EEFSEC: variants seen among roughly 807,000 people sequenced by gnomAD.
The protein encoded by EEFSEC is selenocysteine-specific elongation factor.
A neutral mutation model predicts 42.1 loss-of-function variants in EEFSEC; 43 were observed. The ratio of observed to expected loss-of-function variants is 1.02; its 90% CI spans 0.80 to 1.32. The LOEUF is 1.32. Among genes scored for constraint, EEFSEC ranks in the 40% most tolerant of loss-of-function variants. The pLI, the probability that EEFSEC is intolerant of heterozygous loss-of-function variation, is 0.00. For missense variants in EEFSEC, 745 were observed against 803.6 expected (o/e 0.93, Z 0.88); for synonymous variants, 354 against 339.1 (o/e 1.04, Z -0.48).
chr3:128,272,522 C>T (rs527615048), intron 4 of EEFSEC, among the ~76,000 whole-genome samples: 17 of 152,304 alleles, frequency 1.1e-4, no homozygotes, highest in Admixed American at 2.0e-4. Flanking sequence ...AGAAGCAGAG[C>T]CTGCACCTGA....
chr3:128,252,337 C>G (rs1419429338), intron 2 of EEFSEC, among the ~76,000 whole-genome samples: 1 of 152,148 alleles, frequency 6.6e-6, no homozygotes, highest in Non-Finnish European at 1.5e-5. Context: ...GCGACTCACT[C>G]CATCTCTCTG....
At chr3:128,338,425 CAG>C (rs1185701842) in intron 4 of EEFSEC, among the ~76,000 whole-genome samples, 1 of 152,100 alleles carries the variant, frequency 6.6e-6, no homozygotes, top group Non-Finnish European at 1.5e-5. Flanking sequence ...TGTCGGCACA[CAG>C]AGGCTGGGGC....
In EEFSEC at chr3:128,153,904, T is replaced by A; in HGVS notation, c.316+81T>A. ...CCCCGTGTCCGAATTCGCTCGAGCC[T>A]TTGCCGGGACGGGAAATCGCCCCAC... On this transcript the variant is annotated intron_variant, in intron 1 of 6. Coordinates refer to ENST00000254730, the MANE Select transcript of EEFSEC (RefSeq NM_021937.5). 4 of 1,418,290 alleles carry A rather than the reference T, an allele frequency of 2.8e-6. No individual in the cohort carries two copies. The South Asian group carries it at 4.5e-5, about 16-fold the overall frequency. The allele number at this position is 1,418,290 out of a possible 1,614,324, so 87.9% of individuals were successfully genotyped here.
At chr3:128,364,631 C>T (rs138537647) in intron 6 of EEFSEC, among the ~76,000 whole-genome samples, 179 of 152,322 alleles carry the variant, frequency 1.2e-3, no homozygotes, top group African/African-American at 4.2e-3. Context: ...CTCAGACTGC[C>T]CCTCCAGGGC....
chr3:128,176,832 G>A (rs1020958794), intron 1 of EEFSEC, among the ~76,000 whole-genome samples: 3 of 151,944 alleles, frequency 2.0e-5, no homozygotes, highest in Admixed American at 6.6e-5. Context: ...TACATGATAA[G>A]CTTTTAATAA....
intron 1 of EEFSEC, among the ~76,000 whole-genome samples, chr3:128,194,211 G>T (rs1435270572): frequency 6.6e-6 from 1 of 152,172 alleles, no homozygotes; most frequent in Non-Finnish European, 1.5e-5. Context: ...AGAAAATAAG[G>T]CTGGGAGGTG....
chr3:128,258,200 C>T (rs1203540156), intron 2 of EEFSEC, among the ~76,000 whole-genome samples: 1 of 152,032 alleles, frequency 6.6e-6, no homozygotes. Flanking sequence ...TTTTGTCATC[C>T]CCTCTTTGTG....
intron 6 of EEFSEC, among the ~76,000 whole-genome samples, chr3:128,369,261 C>T (rs2067625931): frequency 6.6e-6 from 1 of 152,220 alleles, no homozygotes; most frequent in African/African-American, 2.4e-5. Context: ...AGGGACAGGA[C>T]ACGATGAGCC....
At chr3:128,261,093 T>C (rs541436379) in intron 2 of EEFSEC, among the ~76,000 whole-genome samples, 3 of 152,164 alleles carry the variant, frequency 2.0e-5, no homozygotes, top group African/African-American at 4.8e-5. Context: ...AAATTCTGGG[T>C]CGTACCATTG....
chr3:128,381,422 T>C (rs935585936), intron 6 of EEFSEC, among the ~76,000 whole-genome samples: 2 of 152,226 alleles, frequency 1.3e-5, no homozygotes, highest in African/African-American at 4.8e-5. Context: ...ATTTGGAAAC[T>C]GGCTTTGGGG....
chr3:128,192,234 G>A (rs17401543), intron 1 of EEFSEC, among the ~76,000 whole-genome samples: 11,912 of 152,212 alleles, frequency 0.078, 582 homozygotes, highest in Non-Finnish European at 0.12. Context: ...CTATCCATCT[G>A]TAAAACAGGG....
chr3:128,249,502 G>A (rs1217380963), intron 2 of EEFSEC, among the ~76,000 whole-genome samples: 3 of 152,042 alleles, frequency 2.0e-5, no homozygotes, highest in Admixed American at 6.6e-5. Context: ...TACATTCACA[G>A]TGCTGTGTAC....
At position 128,262,128 on chromosome 3, in the gene EEFSEC, G is replaced by A; in HGVS notation, c.525G>A (p.Lys175=). 1 of 1,614,008 alleles carries A rather than the reference G, an allele frequency of 6.2e-7. No individual in the cohort carries two copies. Among genetic ancestry groups the A allele is most frequent in the African/African-American group, 1.3e-5 (1 of 74,990 alleles). The change falls in exon 3 of 7, where the codon AAG becomes AAA. Residue 175 remains lysine, a splice_region_variant and synonymous_variant. Coordinates refer to ENST00000254730, the MANE Select transcript of EEFSEC (RefSeq NM_021937.5). ...KKMQKTLENT[K]FRGAPIIPVA... The stretch of plus-strand genomic sequence containing the variant: ...TGATGGGACTTATTTTCCATTTCAG[G>A]TTCCGAGGTGCACCGATTATACCCG...
At chr3:128,364,374 GC>G (rs2067563387) in intron 6 of EEFSEC, among the ~76,000 whole-genome samples, 1 of 152,192 alleles carries the variant, frequency 6.6e-6, no homozygotes, top group African/African-American at 2.4e-5. Context: ...GAGGGCCAGA[GC>G]AAGCTTCCTG....
intron 4 of EEFSEC, among the ~76,000 whole-genome samples, chr3:128,323,377 C>T (rs1576637068): frequency 2.0e-5 from 3 of 152,186 alleles, no homozygotes; most frequent in African/African-American, 4.8e-5. Flanking sequence ...CACAGTGGAA[C>T]GAAGGGATCC....
intron 4 of EEFSEC, among the ~76,000 whole-genome samples, chr3:128,309,562 C>T (rs748522559): frequency 3.3e-5 from 5 of 152,142 alleles, no homozygotes; most frequent in Non-Finnish European, 7.3e-5. Context: ...GAAACTTTTA[C>T]CAGTAAGTAA....
At position 128,304,990 on chromosome 3, in the gene EEFSEC, C is replaced by T. The variant is rs1478542858; in HGVS notation, c.787-36243C>T. On this transcript the variant is annotated intron_variant, in intron 4 of 6. Transcript: ENST00000254730. Reference sequence around the variant, plus strand: ...AAGTGCTGGAATTGCAGGCATGAGCCACCATGCCAGCCTGTTGTTTGTAAT... The same window carrying T: ...AAGTGCTGGAATTGCAGGCATGAGCTACCATGCCAGCCTGTTGTTTGTAAT... 5.3e-5 allele frequency among the ~76,000 whole-genome samples: 8 copies of T among 152,328 alleles called. No homozygotes were observed. In the East Asian group the frequency reaches 1.5e-3, roughly 29 times the overall value.
In EEFSEC at chr3:128,341,632, A is replaced by G. The variant is rs751449659; in HGVS notation, c.1186A>G (p.Lys396Glu). ...PAVTDNDEAD[K>E]KAGQATEGHC... Reference sequence around the variant, plus strand: ...AGTGACAGACAATGATGAGGCCGACAAGAAGGCCGGCCAGGCCACAGAGGG... The same window carrying G: ...AGTGACAGACAATGATGAGGCCGACGAGAAGGCCGGCCAGGCCACAGAGGG... The change falls in exon 5 of 7, where the codon AAG becomes GAG. Residue 396 changes from lysine to glutamate, a missense_variant. Coordinates refer to ENST00000254730, the MANE Select transcript of EEFSEC (RefSeq NM_021937.5). 9 of 1,614,108 alleles carry G rather than the reference A, an allele frequency of 5.6e-6. No homozygotes were observed. In the Admixed American group the frequency reaches 1.2e-4, roughly 21 times the overall value.
At chr3:128,215,782 T>C (rs1176964632) in intron 1 of EEFSEC, among the ~76,000 whole-genome samples, 1 of 152,138 alleles carries the variant, frequency 6.6e-6, no homozygotes, top group African/African-American at 2.4e-5. Flanking sequence ...GCTTAATTCT[T>C]AGGCCACCCG....
Sources: gnomAD v4.1 joint callset for allele counts (sites outside exome capture counted in the v4.1 genomes callset) on GRCh38, gnomAD v4.1.1 for gene constraint, MANE v1.5 for transcripts, NCBI Gene and HGNC (gene_info 2026-07-23, HGNC 2026-07-21) for gene names.